The following SUPT3H variants were observed in gnomAD, a reference collection of about 807,000 sequenced individuals.
SUPT3H encodes transcription initiation protein SPT3 homolog.
Under a neutral mutation model 44.3 loss-of-function variants are expected in SUPT3H, and 44 were observed. That is an observed-to-expected ratio of 0.99 (90% CI 0.78 to 1.28). The LOEUF (loss-of-function observed/expected upper bound fraction) is 1.28. Ranked by LOEUF, SUPT3H falls within the 50% of genes most tolerant of loss-of-function variation. SUPT3H has a pLI of 0.00. For synonymous variants in SUPT3H, 124 were observed against 125.6 expected, an observed-to-expected ratio of 0.99 and a Z score of 0.09; for missense variants, 380 against 387.1, an observed-to-expected ratio of 0.98 and a Z score of 0.15.
chr6:45,212,394 T>C (rs1314508932), intron 2 of SUPT3H, among the ~76,000 whole-genome samples: 1 of 152,068 alleles, frequency 6.6e-6, no homozygotes, highest in Admixed American at 6.5e-5. Context: ...CACTTCATCA[T>C]GGCTTTATTA....
At chr6:44,838,776 T>C (rs760809299) in intron 10 of SUPT3H, among the ~76,000 whole-genome samples, 7 of 152,230 alleles carry the variant, frequency 4.6e-5, no homozygotes, top group Admixed American at 1.3e-4. Context: ...TTGGCATTTA[T>C]TTCCAAGCTG....
chr6:45,108,151 G>A (rs887649304), intron 2 of SUPT3H, among the ~76,000 whole-genome samples: 2 of 152,120 alleles, frequency 1.3e-5, no homozygotes, highest in African/African-American at 2.4e-5. Flanking sequence ...ACACAATACT[G>A]TAAATTCCAG....
chr6:45,226,975 T>A (rs912401372), intron 2 of SUPT3H, among the ~76,000 whole-genome samples: 1 of 151,404 alleles, frequency 6.6e-6, no homozygotes, highest in Non-Finnish European at 1.5e-5. Flanking sequence ...CCAGCCTGAA[T>A]GACAGAGTGA....
intron 2 of SUPT3H, among the ~76,000 whole-genome samples, chr6:45,313,378 A>T (rs978368182): frequency 6.6e-6 from 1 of 152,148 alleles, no homozygotes; most frequent in African/African-American, 2.4e-5. Context: ...AAAGATATAT[A>T]AGATTGATAG....
intron 2 of SUPT3H, among the ~76,000 whole-genome samples, chr6:45,251,682 T>G (rs542179501): frequency 6.6e-6 from 1 of 152,194 alleles, no homozygotes; most frequent in East Asian, 1.9e-4. Flanking sequence ...CTCTCTGATA[T>G]CTACAGAACT....
intron 2 of SUPT3H, among the ~76,000 whole-genome samples, chr6:45,295,333 A>C (rs921270753): frequency 6.6e-6 from 1 of 152,126 alleles, no homozygotes; most frequent in Admixed American, 6.5e-5. Flanking sequence ...TGTATACAAA[A>C]ATCAACTCAA....
In SUPT3H at chr6:45,320,821, G is replaced by C. The variant is rs546653726; in HGVS notation, c.101+44380C>G. On this transcript the variant is annotated intron_variant, in intron 2 of 10. Transcript: ENST00000371459. ...TTTGTACATAGAGACGTAGTCTTCTGATCATTAAAATACTCCTTGTAAAGT... is the reference window on the plus strand; with the variant it reads ...TTTGTACATAGAGACGTAGTCTTCTCATCATTAAAATACTCCTTGTAAAGT... Among the ~76,000 whole-genome samples the C allele has an allele frequency of 2.6e-5, 4 of 152,212 alleles. No homozygotes were observed. In the South Asian group the frequency reaches 8.3e-4, roughly 32 times the overall value.
intron 1 of SUPT3H, among the ~76,000 whole-genome samples, chr6:45,371,625 C>T (rs1026842787): frequency 6.6e-6 from 1 of 152,068 alleles, no homozygotes; most frequent in African/African-American, 2.4e-5. Context: ...TCCTAAAACA[C>T]TAAAATATTG....
chr6:45,312,601 T>C (rs1784117369), intron 2 of SUPT3H, among the ~76,000 whole-genome samples: 1 of 135,746 alleles, frequency 7.4e-6, no homozygotes, highest in Admixed American at 7.9e-5. Context: ...TAAACATATA[T>C]GCACCTAATA....
At chr6:44,877,293 CCT>C (rs1161481555) in intron 10 of SUPT3H, among the ~76,000 whole-genome samples, 5 of 152,016 alleles carry the variant, frequency 3.3e-5, no homozygotes, top group African/African-American at 1.2e-4. Context: ...ATGGTGAAAC[CCT>C]GTCTCTACTA....
intron 10 of SUPT3H, among the ~76,000 whole-genome samples, chr6:44,846,623 C>T (rs1432913993): frequency 2.0e-5 from 3 of 151,776 alleles, no homozygotes; most frequent in African/African-American, 7.3e-5. Flanking sequence ...TTGTCTTTCC[C>T]AATTGAATTT....
At position 45,231,856 on chromosome 6, in the gene SUPT3H, G is replaced by A. The variant is rs1242731367; in HGVS notation, c.102-125850C>T. Among the ~76,000 whole-genome samples, 6 of 151,736 alleles carry A rather than the reference G, an allele frequency of 4.0e-5. No individual in the cohort carries two copies. In the East Asian group the frequency reaches 1.2e-3, roughly 29 times the overall value. ...CTTCAAGTTGAGAGTCTCTCTTCTG[G>A]TTGTTCTAGTCTATTGCTGAAGCTT... On this transcript the variant is annotated intron_variant, in intron 2 of 10. Transcript: ENST00000371459.
In SUPT3H at chr6:45,374,977, C is replaced by T. The variant is rs546121320; in HGVS notation, c.-1+2791G>A. 7.2e-5 allele frequency among the ~76,000 whole-genome samples: 11 copies of T among 152,248 alleles called. No individual in the cohort carries two copies. In the East Asian group the frequency reaches 1.7e-3, roughly 24 times the overall value. On this transcript the variant is annotated intron_variant, in intron 1 of 10. Transcript: ENST00000371459. ...ATCCCAGAACTTTGGGAGGCTGAGG[C>T]GGGTGGAGCACTTGAGATCAAGAGT...
chr6:45,033,674 G>C (rs761499312), intron 3 of SUPT3H, among the ~76,000 whole-genome samples: 4 of 152,158 alleles, frequency 2.6e-5, no homozygotes, highest in Non-Finnish European at 5.9e-5. Flanking sequence ...ATTGAGGAGT[G>C]TGTAAAGTTA....
At chr6:45,092,534 G>C (rs1480744296) in intron 3 of SUPT3H, among the ~76,000 whole-genome samples, 1 of 152,004 alleles carries the variant, frequency 6.6e-6, no homozygotes, top group East Asian at 1.9e-4. Context: ...TGGATCACCT[G>C]AGGTCAGGAG....
intron 9 of SUPT3H, among the ~76,000 whole-genome samples, chr6:44,935,444 C>A (rs1354443691): frequency 6.6e-6 from 1 of 152,094 alleles, no homozygotes; most frequent in Admixed American, 6.6e-5. Context: ...CCTGATTAGG[C>A]CTAAATTTTA....
At chr6:44,843,464 C>T (rs1166502882) in intron 10 of SUPT3H, among the ~76,000 whole-genome samples, 1 of 152,024 alleles carries the variant, frequency 6.6e-6, no homozygotes. Flanking sequence ...TATTCACAGA[C>T]AATAATACAA....
chr6:45,145,866 G>C (rs1204738968), intron 2 of SUPT3H, among the ~76,000 whole-genome samples: 2 of 151,960 alleles, frequency 1.3e-5, no homozygotes, highest in Non-Finnish European at 2.9e-5. Context: ...GACATGAATA[G>C]ACAATTCCCA....
At chr6:45,018,714 A>G (rs1003377097) in intron 4 of SUPT3H, among the ~76,000 whole-genome samples, 1 of 152,084 alleles carries the variant, frequency 6.6e-6, no homozygotes, top group Admixed American at 6.6e-5. Context: ...ATCATGGTGG[A>G]TAAGCTTTTT....
Sources: gnomAD v4.1 joint callset for allele counts (sites outside exome capture counted in the v4.1 genomes callset) on GRCh38, gnomAD v4.1.1 for gene constraint, MANE v1.5 for transcripts, NCBI Gene and HGNC (gene_info 2026-07-23, HGNC 2026-07-21) for gene names.